NFATC3: variants seen among roughly 807,000 people sequenced by gnomAD.
NFATC3 encodes nuclear factor of activated T-cells, cytoplasmic 3.
In NFATC3, 46 loss-of-function variants were observed where a neutral mutation model predicts 98.6. The ratio of observed to expected loss-of-function variants is 0.47; its 90% CI spans 0.37 to 0.60. NFATC3 has a LOEUF of 0.60. Ranked by LOEUF, NFATC3 falls within the 20% of genes least tolerant of loss-of-function variation. The pLI, the probability that NFATC3 is intolerant of heterozygous loss-of-function variation, is 0.00. For synonymous variants in NFATC3, 512 were observed against 472.2 expected (o/e 1.08, Z -1.09); for missense variants, 1,256 against 1,295.5 (o/e 0.97, Z 0.47).
chr16:68,092,606 A>G (rs1222636066), intron 1 of NFATC3, among the ~76,000 whole-genome samples: 1 of 151,830 alleles, frequency 6.6e-6, no homozygotes, highest in Non-Finnish European at 1.5e-5. Context: ...CTAAAAATAC[A>G]AAATTAGTAC....
In NFATC3 at chr16:68,104,653, G is replaced by GTTTTTTTTTTTTTTTTTTTTTTTTTTTTT. The variant is rs778016298; in HGVS notation, c.104-17318_104-17317insTTTTTTTTTTTTTTTTTTTTTTTTTTTTT. 2.1e-4 allele frequency among the ~76,000 whole-genome samples: 27 copies of GTTTTTTTTTTTTTTTTTTTTTTTTTTTTT among 126,688 alleles called. 1 individual carries two copies. Among genetic ancestry groups the GTTTTTTTTTTTTTTTTTTTTTTTTTTTTT allele is most frequent in the African/African-American group, 2.5e-4 (8 of 31,854 alleles). The allele number at this position is 126,688 out of a possible 152,430, so 83.1% of individuals were successfully genotyped here. On this transcript the variant is annotated intron_variant, in intron 1 of 9. Coordinates refer to ENST00000346183, the MANE Select transcript of NFATC3 (RefSeq NM_173165.3). ...GTTAGCTGTGGGCTTTTCACAAATG[G>GTTTTTTTTTTTTTTTTTTTTTTTTTTTTT]TTTTTTTTTTTTTTTTGAAATGGAG...
intron 1 of NFATC3, among the ~76,000 whole-genome samples, chr16:68,121,183 T>C (rs2036553828): frequency 6.6e-6 from 1 of 151,224 alleles, no homozygotes; most frequent in African/African-American, 2.4e-5. Flanking sequence ...CTTTTTCAGC[T>C]ACATTGAGTT....
intron 3 of NFATC3, among the ~76,000 whole-genome samples, chr16:68,142,771 A>AG (rs955738360): frequency 2.0e-5 from 3 of 152,076 alleles, no homozygotes; most frequent in African/African-American, 7.2e-5. Context: ...AAGAAAAAAA[A>AG]AAATCTAGGA....
rs191999149 is a variant in NFATC3, at chr16:68,143,784, G to A, written c.1402-14085G>A. On this transcript the variant is annotated intron_variant, in intron 3 of 9. Transcript: ENST00000346183. Reference sequence around the variant, plus strand: ...GGAGAATTGCTTGAACCCAGGAGGTGGAGGCTGCAGTAAGCTGCTATCACA... The same window carrying A: ...GGAGAATTGCTTGAACCCAGGAGGTAGAGGCTGCAGTAAGCTGCTATCACA... Among the ~76,000 whole-genome samples, 46 of 152,192 alleles carry A rather than the reference G, an allele frequency of 3.0e-4. No individual in the cohort carries two copies. In the East Asian group the frequency reaches 7.5e-3, roughly 25 times the overall value.
At chr16:68,132,588 C>T (rs1034363955) in intron 3 of NFATC3, among the ~76,000 whole-genome samples, 1 of 152,132 alleles carries the variant, frequency 6.6e-6, no homozygotes, top group African/African-American at 2.4e-5. Context: ...CTGAAGAGAT[C>T]ACAGTAGCCA....
chr16:68,132,534 G>C (rs1192820731), intron 3 of NFATC3, among the ~76,000 whole-genome samples: 1 of 152,212 alleles, frequency 6.6e-6, no homozygotes, highest in Non-Finnish European at 1.5e-5. Flanking sequence ...TGATCCAGCA[G>C]TTCCACTGTT....
intron 9 of NFATC3, among the ~76,000 whole-genome samples, chr16:68,206,703 C>CTA (rs2151147169): frequency 1.3e-5 from 2 of 152,224 alleles, no homozygotes; most frequent in African/African-American, 4.8e-5. Context: ...TAATTTGGGC[C>CTA]TAGGCACAGT....
chr16:68,164,895 C>T (rs1485333050), intron 4 of NFATC3, among the ~76,000 whole-genome samples: 1 of 152,050 alleles, frequency 6.6e-6, no homozygotes, highest in Non-Finnish European at 1.5e-5. Flanking sequence ...ATTTAAAAAA[C>T]AATTTAAAAA....
intron 9 of NFATC3, among the ~76,000 whole-genome samples, chr16:68,205,438 G>T (rs944705755): frequency 6.6e-6 from 1 of 151,956 alleles, no homozygotes; most frequent in African/African-American, 2.4e-5. Flanking sequence ...TTTTGTAGAG[G>T]CAGGCTTTTA....
chr16:68,197,053 A>G (rs1246422669), intron 9 of NFATC3, among the ~76,000 whole-genome samples: 1 of 151,988 alleles, frequency 6.6e-6, no homozygotes, highest in Non-Finnish European at 1.5e-5. Flanking sequence ...AAATAAATAA[A>G]TAAATAAAAA....
chr16:68,094,867 CTTTTCT>C (rs1242809191), intron 1 of NFATC3, among the ~76,000 whole-genome samples: 1 of 152,192 alleles, frequency 6.6e-6, no homozygotes, highest in African/African-American at 2.4e-5. Flanking sequence ...TCACACAGCT[CTTTTCT>C]TTTTAAGAGT....
At chr16:68,210,311 GAAAA>G (rs568588083) in intron 9 of NFATC3, among the ~76,000 whole-genome samples, 6 of 131,182 alleles carry the variant, frequency 4.6e-5, no homozygotes, top group South Asian at 2.4e-4. Context: ...AAAAAAAAAA[GAAAA>G]AAAAAAAGAA....
At chr16:68,160,807 C>A (rs1023564882) in intron 4 of NFATC3, among the ~76,000 whole-genome samples, 2 of 152,242 alleles carry the variant, frequency 1.3e-5, no homozygotes, top group Admixed American at 6.5e-5. Context: ...GCTTCAGCCA[C>A]CCAAGTAGCT....
intron 9 of NFATC3, among the ~76,000 whole-genome samples, chr16:68,214,751 C>T (rs560404281): frequency 3.3e-5 from 5 of 152,300 alleles, no homozygotes; most frequent in Non-Finnish European, 7.3e-5. Flanking sequence ...AATTTGGTTG[C>T]TGATCAGGTA....
chr16:68,202,540 G>A (rs1249586261), intron 9 of NFATC3, among the ~76,000 whole-genome samples: 1 of 152,072 alleles, frequency 6.6e-6, no homozygotes, highest in African/African-American at 2.4e-5. Flanking sequence ...GGCAAGGCGC[G>A]GTGGCTGACG....
intron 9 of NFATC3, among the ~76,000 whole-genome samples, chr16:68,193,699 A>AT (rs1056669193): frequency 6.6e-6 from 1 of 152,080 alleles, no homozygotes; most frequent in African/African-American, 2.4e-5. Context: ...CCCTCCACAT[A>AT]TGCAGATTTC....
intron 1 of NFATC3, among the ~76,000 whole-genome samples, chr16:68,121,068 T>C (rs2036546118): frequency 6.6e-6 from 1 of 151,496 alleles, no homozygotes; most frequent in Non-Finnish European, 1.5e-5. Context: ...TCAAGATATC[T>C]CATTGTGTAT....
At chr16:68,196,971 G>A (rs188023333) in intron 9 of NFATC3, among the ~76,000 whole-genome samples, 3 of 151,860 alleles carry the variant, frequency 2.0e-5, no homozygotes, top group South Asian at 2.1e-4. Flanking sequence ...CTGAGGTTGC[G>A]GTGAGCCGAG....
At chr16:68,178,569 A>G (rs1489032247) in intron 6 of NFATC3, among the ~76,000 whole-genome samples, 1 of 152,202 alleles carries the variant, frequency 6.6e-6, no homozygotes, top group East Asian at 1.9e-4. Context: ...AAACAAATAA[A>G]TGAACAAGAT....
Sources: allele counts gnomAD v4.1 joint callset (sites outside exome capture counted in the v4.1 genomes callset), GRCh38; gene constraint gnomAD v4.1.1; transcripts MANE v1.5; gene names NCBI Gene and HGNC (gene_info 2026-07-23, HGNC 2026-07-21).